The following CAMTA1 variants were observed in gnomAD, a reference collection of about 807,000 sequenced individuals.
CAMTA1 encodes the protein calmodulin binding transcription activator 1.
CAMTA1 carries 27 observed loss-of-function variants against 170.9 expected under a neutral mutation model. The observed-to-expected ratio is 0.16, with a 90% confidence interval of 0.12 to 0.22. The LOEUF is 0.22. Among genes scored for constraint, CAMTA1 ranks in the 10% least tolerant of loss-of-function variants. The pLI is 1.00. For missense variants in CAMTA1, 1,619 were observed against 2,217.2 expected (o/e 0.73, Z 5.42); for synonymous variants, 833 against 891.5 (o/e 0.93, Z 1.17).
At chr1:7,690,109 G>C (rs908265858) in intron 11 of CAMTA1, among the ~76,000 whole-genome samples, 2 of 152,244 alleles carry the variant, frequency 1.3e-5, no homozygotes, top group Admixed American at 6.5e-5. Flanking sequence ...GTTGCGGTGA[G>C]TCAAGATTGC....
chr1:7,086,261 C>T (rs542218700), intron 3 of CAMTA1, among the ~76,000 whole-genome samples: 7 of 152,080 alleles, frequency 4.6e-5, no homozygotes, highest in South Asian at 2.1e-4. Flanking sequence ...ATTTAGGATC[C>T]GGGAGGAGGA....
At chr1:6,882,129 GA>G in intron 3 of CAMTA1, among the ~76,000 whole-genome samples, 1 of 151,844 alleles carries the variant, frequency 6.6e-6, no homozygotes, top group Non-Finnish European at 1.5e-5. Context: ...TTAAGTGGTT[GA>G]AAAAAAATCA....
At chr1:7,661,931 C>G in intron 8 of CAMTA1, 65 bp downstream of exon 8, 1 of 1,522,884 alleles carries the variant, frequency 6.6e-7, no homozygotes, top group Non-Finnish European at 8.9e-7. Flanking sequence ...AGGCAGCCGT[C>G]ATGGCTGTCC....
chr1:6,935,703 C>G (rs1035589044), intron 3 of CAMTA1, among the ~76,000 whole-genome samples: 1 of 152,170 alleles, frequency 6.6e-6, no homozygotes, highest in East Asian at 1.9e-4. Flanking sequence ...TAAACTTTTC[C>G]GTGGTTTTCT....
chr1:7,560,139 A>G (rs756235209), intron 6 of CAMTA1, among the ~76,000 whole-genome samples: 3 of 152,180 alleles, frequency 2.0e-5, no homozygotes, highest in Non-Finnish European at 4.4e-5. Flanking sequence ...CTGTGGGGTG[A>G]TTGTTCCTAT....
chr1:7,344,511 T>G (rs944558607), intron 5 of CAMTA1, among the ~76,000 whole-genome samples: 5 of 152,220 alleles, frequency 3.3e-5, no homozygotes, highest in African/African-American at 1.2e-4. Flanking sequence ...TTTTACAAGT[T>G]AACTCAAGTT....
chr1:7,520,677 G>A lies in CAMTA1; in HGVS notation c.510+52776G>A, dbSNP rs150307640. 6.6e-3 allele frequency among the ~76,000 whole-genome samples: 1,007 copies of A among 152,170 alleles called. 14 individuals carry two copies. Among genetic ancestry groups the A allele is most frequent in the African/African-American group, 0.023 (967 of 41,544 alleles). ...GGGAGCACTGGCTGCAGAGTTGGGC[G>A]GTGGGGAACCTTCTCTCAGCAGTCC... On this transcript the variant is annotated intron_variant, in intron 6 of 22. Coordinates refer to ENST00000303635, the MANE Select transcript of CAMTA1 (RefSeq NM_015215.4).
At chr1:7,075,755 G>A (rs563530745) in intron 3 of CAMTA1, among the ~76,000 whole-genome samples, 5 of 151,178 alleles carry the variant, frequency 3.3e-5, no homozygotes, top group South Asian at 4.2e-4. Context: ...CTCCACCTCC[G>A]GAGTTCAAGT....
At chr1:6,902,391 C>T (rs982245779) in intron 3 of CAMTA1, among the ~76,000 whole-genome samples, 9 of 152,108 alleles carry the variant, frequency 5.9e-5, no homozygotes, top group Admixed American at 5.2e-4. Context: ...TGAAAAGGAA[C>T]AAAGTGACAC....
intron 6 of CAMTA1, among the ~76,000 whole-genome samples, chr1:7,559,771 G>A (rs948961744): frequency 2.0e-5 from 3 of 152,028 alleles, no homozygotes; most frequent in African/African-American, 7.2e-5. Context: ...GGATGCAACT[G>A]ATTGCACCCC....
intron 1 of CAMTA1, among the ~76,000 whole-genome samples, chr1:6,788,127 C>A (rs944742092): frequency 2.6e-5 from 4 of 152,122 alleles, no homozygotes; most frequent in Admixed American, 2.6e-4. Flanking sequence ...TGAGCCCTGT[C>A]GGCTCTAGTC....
chr1:7,390,921 G>A (rs533536116), intron 5 of CAMTA1, among the ~76,000 whole-genome samples: 9 of 152,246 alleles, frequency 5.9e-5, no homozygotes, highest in African/African-American at 2.2e-4. Flanking sequence ...AGGAGGCCTC[G>A]CCTCCGTTGG....
At chr1:7,095,600 G>A (rs1641987123) in intron 4 of CAMTA1, among the ~76,000 whole-genome samples, 1 of 152,210 alleles carries the variant, frequency 6.6e-6, no homozygotes, top group Non-Finnish European at 1.5e-5. Context: ...GGTTCCCAGG[G>A]AGCCCGTCAA....
At chr1:7,026,056 G>A (rs1701974018) in intron 3 of CAMTA1, among the ~76,000 whole-genome samples, 1 of 151,962 alleles carries the variant, frequency 6.6e-6, no homozygotes, top group Non-Finnish European at 1.5e-5. Context: ...GAAGATGGAG[G>A]CTGCAGTGAG....
intron 4 of CAMTA1, among the ~76,000 whole-genome samples, chr1:7,167,002 G>T (rs1011270911): frequency 6.6e-6 from 1 of 151,434 alleles, no homozygotes; most frequent in African/African-American, 2.4e-5. Flanking sequence ...GTAGAGATGG[G>T]GTTTCACCAT....
At chr1:6,883,361 G>C (rs1672170003) in intron 3 of CAMTA1, among the ~76,000 whole-genome samples, 1 of 151,518 alleles carries the variant, frequency 6.6e-6, no homozygotes, top group African/African-American at 2.4e-5. Flanking sequence ...GTTCCAGGTG[G>C]TTCAAGCAAA....
Position 7,398,190 on chromosome 1 carries a change from T to TCC in CAMTA1, c.439-69639_439-69638insCC, listed in dbSNP as rs2089555175. ...CTCTCTCTCTCTCTCTCTCTCTCTC[T>TCC]CTCTATATATATATATATATATATA... On this transcript the variant is annotated intron_variant, in intron 5 of 22. Transcript: ENST00000303635. Among the ~76,000 whole-genome samples the TCC allele has an allele frequency of 1.7e-4, 6 of 36,026 alleles. 1 individual carries two copies. In the East Asian group the frequency reaches 4.9e-3, roughly 29 times the overall value. The allele number at this position is 36,026 out of a possible 152,430, so 23.6% of individuals were successfully genotyped here. A position where few individuals can be genotyped will look rare whatever the true frequency, so the allele number is the denominator to read the frequency against.
At chr1:7,165,500 C>T (rs943101239) in intron 4 of CAMTA1, among the ~76,000 whole-genome samples, 6 of 152,056 alleles carry the variant, frequency 3.9e-5, no homozygotes, top group South Asian at 2.1e-4. Context: ...AGTGCGATCT[C>T]GGCTCACTGC....
rs1448799927 is a variant in CAMTA1, at chr1:7,681,835, C to T, written c.2914+4102C>T. 2.0e-5 allele frequency among the ~76,000 whole-genome samples: 3 copies of T among 152,198 alleles called. No homozygotes were observed. Among genetic ancestry groups the T allele is most frequent in the Non-Finnish European group, 4.4e-5 (3 of 68,036 alleles). On this transcript the variant is annotated intron_variant, in intron 11 of 22. Transcript: ENST00000303635. The surrounding 1 kb of genome is among the most constrained non-coding windows in gnomAD (Gnocchi z 4.6). ...CAGCCCTGGAGCTGAGGGGATGGGG[C>T]GGGCCCTCTTCTGGCCAAGGACACT...
Sources: allele counts gnomAD v4.1 joint callset (sites outside exome capture counted in the v4.1 genomes callset), GRCh38; gene constraint gnomAD v4.1.1; non-coding constraint Gnocchi (gnomAD v3.1); transcripts MANE v1.5; gene names NCBI Gene and HGNC (gene_info 2026-07-23, HGNC 2026-07-21).